PDE4D: variants seen among roughly 807,000 people sequenced by gnomAD.
PDE4D encodes 3',5'-cyclic-AMP phosphodiesterase 4D.
A neutral mutation model predicts 87.4 loss-of-function variants in PDE4D; 24 were observed. The ratio of observed to expected loss-of-function variants is 0.27; its 90% CI spans 0.20 to 0.39. PDE4D has a LOEUF of 0.39. Among genes scored for constraint, PDE4D ranks in the 10% least tolerant of loss-of-function variants. The probability of loss-of-function intolerance (pLI) is 1.00; values close to 1 mark genes in which losing one functional copy is unlikely to be tolerated. For missense variants in PDE4D, 714 were observed against 1,041.0 expected (o/e 0.69, Z 4.32); for synonymous variants, 384 against 383.2 (o/e 1.00, Z -0.02).
intron 2 of PDE4D, among the ~76,000 whole-genome samples, chr5:60,173,075 A>G (rs535206303): frequency 6.6e-6 from 1 of 152,236 alleles, no homozygotes; most frequent in East Asian, 1.9e-4. Context: ...AATATAGATA[A>G]TTGACTATAA....
intron 3 of PDE4D, among the ~76,000 whole-genome samples, chr5:59,946,709 G>T (rs1002937285): frequency 6.6e-6 from 1 of 152,152 alleles, no homozygotes; most frequent in African/African-American, 2.4e-5. Flanking sequence ...GCCTTCACTT[G>T]CCCTAAGTTA....
At chr5:60,058,971 T>C (rs538515555) in intron 2 of PDE4D, among the ~76,000 whole-genome samples, 1 of 151,902 alleles carries the variant, frequency 6.6e-6, no homozygotes, top group Admixed American at 6.6e-5. Flanking sequence ...CCATTCTTTC[T>C]AGCTTCTTCA....
intron 1 of PDE4D, among the ~76,000 whole-genome samples, chr5:59,829,934 T>A (rs977447124): frequency 2.0e-5 from 3 of 151,922 alleles, no homozygotes; most frequent in African/African-American, 4.8e-5. Context: ...GTTTTTAATT[T>A]TAAAAAAAAT....
At chr5:60,305,128 A>G (rs1453497911) in intron 1 of PDE4D, among the ~76,000 whole-genome samples, 1 of 151,968 alleles carries the variant, frequency 6.6e-6, no homozygotes, top group African/African-American at 2.4e-5. Context: ...ACCTCTGAAA[A>G]ATTTTTACTG....
chr5:58,978,214 A>G (rs1580049308), intron 11 of PDE4D, among the ~76,000 whole-genome samples: 1 of 147,086 alleles, frequency 6.8e-6, no homozygotes, highest in East Asian at 2.0e-4. Context: ...CAGGAGTTCA[A>G]GACCAGCCTG....
chr5:59,311,180 G>A (rs1235653542), intron 1 of PDE4D, among the ~76,000 whole-genome samples: 1 of 152,090 alleles, frequency 6.6e-6, no homozygotes, highest in Non-Finnish European at 1.5e-5. Context: ...ACTCCAGGAT[G>A]AATGGGGGAT....
At chr5:59,912,303 T>A in intron 3 of PDE4D, among the ~76,000 whole-genome samples, 1 of 152,236 alleles carries the variant, frequency 6.6e-6, no homozygotes, top group Non-Finnish European at 1.5e-5. Context: ...AGATTTAAGC[T>A]AATTTTTCTA....
chr5:60,168,668 A>G (rs1271471713), intron 2 of PDE4D, among the ~76,000 whole-genome samples: 2 of 152,164 alleles, frequency 1.3e-5, no homozygotes, highest in Non-Finnish European at 2.9e-5. Context: ...TGTACTTTAA[A>G]CCACCTCAAG....
intron 2 of PDE4D, among the ~76,000 whole-genome samples, chr5:60,072,135 C>T (rs1214646472): frequency 6.6e-6 from 1 of 152,136 alleles, no homozygotes; most frequent in Non-Finnish European, 1.5e-5. Context: ...ACATTCCCAC[C>T]AACAGTGTAT....
At chr5:59,015,094 C>T (rs1753705318) in intron 6 of PDE4D, among the ~76,000 whole-genome samples, 1 of 152,158 alleles carries the variant, frequency 6.6e-6, no homozygotes, top group Admixed American at 6.5e-5. Context: ...AACTGGATCC[C>T]TTCCTTACAC....
At chr5:59,236,941 G>A (rs934447033) in intron 1 of PDE4D, among the ~76,000 whole-genome samples, 2 of 152,154 alleles carry the variant, frequency 1.3e-5, no homozygotes, top group Non-Finnish European at 2.9e-5. Context: ...GCCTATAAAA[G>A]TGGATTCTTT....
intron 1 of PDE4D, among the ~76,000 whole-genome samples, chr5:60,347,427 A>C (rs1178574072): frequency 6.6e-6 from 1 of 152,178 alleles, no homozygotes; most frequent in Non-Finnish European, 1.5e-5. Flanking sequence ...GAAGGTCTTA[A>C]GTAGGGGACT....
At chr5:59,830,085 T>C (rs1265586925) in intron 1 of PDE4D, among the ~76,000 whole-genome samples, 3 of 152,078 alleles carry the variant, frequency 2.0e-5, no homozygotes, top group African/African-American at 7.2e-5. Context: ...CAAGCCTTAG[T>C]AGAAACATCA....
chr5:59,245,154 G>A (rs928071159), intron 1 of PDE4D, among the ~76,000 whole-genome samples: 7 of 152,084 alleles, frequency 4.6e-5, no homozygotes, highest in Non-Finnish European at 8.8e-5. Context: ...TGTTCCCAAC[G>A]ATGGTAAATT....
chr5:60,264,379 C>T (rs545559160), intron 1 of PDE4D, among the ~76,000 whole-genome samples: 1 of 152,266 alleles, frequency 6.6e-6, no homozygotes, highest in South Asian at 2.1e-4. Context: ...CAGAATAGGA[C>T]AGTACCTTGG....
At chr5:60,118,593 G>T (rs1315566815) in intron 2 of PDE4D, among the ~76,000 whole-genome samples, 1 of 151,432 alleles carries the variant, frequency 6.6e-6, no homozygotes, top group East Asian at 1.9e-4. Flanking sequence ...GTGTGTGTGT[G>T]TGTTTACTGA....
intron 1 of PDE4D, among the ~76,000 whole-genome samples, chr5:59,415,912 G>A (rs181270491): frequency 6.6e-5 from 10 of 152,220 alleles, no homozygotes; most frequent in Middle Eastern, 3.4e-3. Context: ...ATACTCCAGC[G>A]TTGGTCTATA....
At chr5:60,282,765 GTT>G (rs1387595423) in intron 1 of PDE4D, among the ~76,000 whole-genome samples, 1 of 152,130 alleles carries the variant, frequency 6.6e-6, no homozygotes, top group East Asian at 1.9e-4. Context: ...GGAGGCTGCA[GTT>G]CAATCCACTA....
At chr5:59,741,466 T>G (rs1269957186) in intron 1 of PDE4D, among the ~76,000 whole-genome samples, 3 of 152,192 alleles carry the variant, frequency 2.0e-5, no homozygotes, top group Non-Finnish European at 2.9e-5. Context: ...GCTCTCAATA[T>G]GACCATAATT....
Sources: allele counts gnomAD v4.1 joint callset (sites outside exome capture counted in the v4.1 genomes callset), GRCh38; gene constraint gnomAD v4.1.1; transcripts MANE v1.5; gene names NCBI Gene and HGNC (gene_info 2026-07-23, HGNC 2026-07-21).